Variants in ERC2 observed in about 807,000 individuals in gnomAD.
The protein encoded by ERC2 is ELKS/RAB6-interacting/CAST family member 2.
A neutral mutation model predicts 114.8 loss-of-function variants in ERC2; 42 were observed. The ratio of observed to expected loss-of-function variants is 0.37; its 90% CI spans 0.29 to 0.47. The LOEUF (loss-of-function observed/expected upper bound fraction) is 0.47. ERC2 is among the 20% of genes least tolerant of loss of function. The pLI is 0.99. For missense variants in ERC2, 939 were observed against 1,150.7 expected, an observed-to-expected ratio of 0.82 and a Z score of 2.66; for synonymous variants, 454 against 425.5, an observed-to-expected ratio of 1.07 and a Z score of -0.82.
intron 3 of ERC2, among the ~76,000 whole-genome samples, chr3:56,237,657 C>T (rs886932650): frequency 6.6e-6 from 1 of 152,112 alleles, no homozygotes; most frequent in African/African-American, 2.4e-5. Flanking sequence ...AGTCACATTG[C>T]TTTCTTTTTT....
Position 56,005,512 on chromosome 3 carries a change from C to G in ERC2, c.2061+1669G>C, listed in dbSNP as rs563973150. Among the ~76,000 whole-genome samples the G allele has an allele frequency of 3.3e-5, 5 of 152,170 alleles. No individual in the cohort carries two copies. The South Asian group carries it at 1.0e-3, about 32-fold the overall frequency. ...AAAGTATAAGCAACAATATGTGAAT[C>G]TCTTCCTTTTAATTACTAGTGGATT... is the stretch of plus-strand genomic sequence containing the variant. On this transcript the variant is annotated intron_variant, in intron 10 of 17. Coordinates refer to ENST00000288221, the MANE Select transcript of ERC2 (RefSeq NM_015576.3).
intron 17 of ERC2, among the ~76,000 whole-genome samples, chr3:55,667,056 C>T (rs1385628233): frequency 6.6e-6 from 1 of 152,108 alleles, no homozygotes; most frequent in Non-Finnish European, 1.5e-5. Context: ...CAGGCTAATC[C>T]ACAAAAACCT....
At chr3:55,572,036 G>A (rs1036262004) in intron 17 of ERC2, among the ~76,000 whole-genome samples, 5 of 152,214 alleles carry the variant, frequency 3.3e-5, no homozygotes, top group Non-Finnish European at 5.9e-5. Flanking sequence ...CCTGCCACCC[G>A]CAGGGTCTGT....
intron 14 of ERC2, among the ~76,000 whole-genome samples, chr3:55,765,286 A>G (rs2067698021): frequency 6.6e-6 from 1 of 152,216 alleles, no homozygotes; most frequent in Non-Finnish European, 1.5e-5. Flanking sequence ...GAATAAAAGG[A>G]GACTTTTTTC....
At chr3:56,103,786 T>TCTAC in intron 6 of ERC2, among the ~76,000 whole-genome samples, 1 of 151,584 alleles carries the variant, frequency 6.6e-6, no homozygotes, top group Non-Finnish European at 1.5e-5. Flanking sequence ...TATCTATCTA[T>TCTAC]CCATCCAAAC....
At chr3:56,422,183 G>T (rs1302755131) in intron 2 of ERC2, among the ~76,000 whole-genome samples, 2 of 152,118 alleles carry the variant, frequency 1.3e-5, no homozygotes, top group Non-Finnish European at 2.9e-5. Context: ...GAAGATAGAG[G>T]CAAGGACAGG....
chr3:56,003,103 T>A (rs1202697729), intron 10 of ERC2: 1 of 1,289,224 alleles, frequency 7.8e-7, no homozygotes, highest in Non-Finnish European at 1.0e-6. Flanking sequence ...ACTTACTGGG[T>A]TGTACATCTG....
intron 14 of ERC2, among the ~76,000 whole-genome samples, chr3:55,809,854 C>T (rs2149123664): frequency 6.6e-6 from 1 of 152,296 alleles, no homozygotes. Context: ...GTGTTTTCAA[C>T]ACATTTTCAG....
intron 2 of ERC2, among the ~76,000 whole-genome samples, chr3:56,401,609 T>A (rs2060522838): frequency 6.6e-6 from 1 of 152,210 alleles, no homozygotes. Flanking sequence ...TATATCTACA[T>A]GAATCTGTAC....
intron 17 of ERC2, among the ~76,000 whole-genome samples, chr3:55,527,086 TAGG>T (rs1015234207): frequency 5.3e-5 from 8 of 152,210 alleles, no homozygotes; most frequent in African/African-American, 1.9e-4. Flanking sequence ...TGCCTGGCAC[TAGG>T]AGGTTCTTAA....
intron 3 of ERC2, among the ~76,000 whole-genome samples, chr3:56,276,474 A>AAAAAAAAAAAAAAAC (rs1446116012): frequency 3.7e-4 from 55 of 147,102 alleles, no homozygotes; most frequent in Non-Finnish European, 6.8e-4. Context: ...AAAAAAAAAA[A>AAAAAAAAAAAAAAAC]AAACAAACTC....
At chr3:56,082,238 T>A (rs28548394) in intron 6 of ERC2, among the ~76,000 whole-genome samples, 27,181 of 151,964 alleles carry the variant, frequency 0.18, 2,587 homozygotes, top group African/African-American at 0.23. Context: ...GGTGATTAGG[T>A]CATGAGGGCA....
chr3:55,708,426 G>A (rs1400616630), intron 15 of ERC2, among the ~76,000 whole-genome samples: 1 of 152,202 alleles, frequency 6.6e-6, no homozygotes, highest in Non-Finnish European at 1.5e-5. Flanking sequence ...TAATTAAGTC[G>A]TGGGCAGCAC....
intron 12 of ERC2, among the ~76,000 whole-genome samples, chr3:55,963,091 G>C (rs17782624): frequency 0.021 from 3,201 of 152,320 alleles, 85 homozygotes; most frequent in South Asian, 0.045. Flanking sequence ...GAGCTCAGCA[G>C]CTTTAATGCC....
At chr3:55,599,427 T>G (rs960974959) in intron 17 of ERC2, among the ~76,000 whole-genome samples, 7 of 152,232 alleles carry the variant, frequency 4.6e-5, no homozygotes, top group African/African-American at 1.7e-4. Flanking sequence ...GTTTTTAAAT[T>G]TTAGAACTCA....
intron 7 of ERC2, among the ~76,000 whole-genome samples, chr3:56,056,814 C>A (rs2076034472): frequency 6.6e-6 from 1 of 152,146 alleles, no homozygotes; most frequent in Admixed American, 6.5e-5. Context: ...AATGAAGACA[C>A]CTTCCCTGGT....
intron 14 of ERC2, among the ~76,000 whole-genome samples, chr3:55,814,950 C>T (rs977460940): frequency 6.6e-6 from 1 of 152,148 alleles, no homozygotes; most frequent in African/African-American, 2.4e-5. Context: ...ATACCCCATC[C>T]AGAATCCTCC....
At chr3:55,560,410 G>A (rs1255322292) in intron 17 of ERC2, among the ~76,000 whole-genome samples, 1 of 152,220 alleles carries the variant, frequency 6.6e-6, no homozygotes, top group African/African-American at 2.4e-5. Flanking sequence ...GTAGGGGTCT[G>A]TCCCATGCAC....
At chr3:56,086,719 T>C (rs2077523610) in intron 6 of ERC2, among the ~76,000 whole-genome samples, 2 of 152,086 alleles carry the variant, frequency 1.3e-5, no homozygotes, top group South Asian at 4.1e-4. Context: ...TTAGAATATC[T>C]AGTTCCAAAT....
Sources: gnomAD v4.1 joint callset for allele counts (sites outside exome capture counted in the v4.1 genomes callset) on GRCh38, gnomAD v4.1.1 for gene constraint, MANE v1.5 for transcripts, NCBI Gene and HGNC (gene_info 2026-07-23, HGNC 2026-07-21) for gene names.